FKRP: variants seen among roughly 807,000 people sequenced by gnomAD.
The protein encoded by FKRP is fukutin related protein, also known as ribitol 5-phosphate transferase FKRP.
In FKRP, 25 loss-of-function variants were observed where a neutral mutation model predicts 30.6. The ratio of observed to expected loss-of-function variants is 0.82; its 90% CI spans 0.60 to 1.14. The LOEUF (loss-of-function observed/expected upper bound fraction) is 1.14, where lower values mean the gene tolerates loss of function less well. Among genes scored for constraint, FKRP ranks in the 50% most tolerant of loss-of-function variants. FKRP has a pLI of 0.00. For missense variants in FKRP, 771 were observed against 727.8 expected (o/e 1.06, Z -0.68); for synonymous variants, 358 against 342.5 (o/e 1.05, Z -0.50).
intron 3 of FKRP, among the ~76,000 whole-genome samples, chr19:46,752,844 A>G (rs1229217826): frequency 6.6e-6 from 1 of 152,108 alleles, no homozygotes; most frequent in Non-Finnish European, 1.5e-5. Context: ...AAGCTTGGGC[A>G]GCAGAGCAAG....
At chr19:46,746,279 C>T in intron 1 of FKRP, 189 bp downstream of exon 1, 2 of 1,453,688 alleles carry the variant, frequency 1.4e-6, no homozygotes, top group South Asian at 2.6e-5. Context: ...GGGGCTGCCT[C>T]CGCCGCCGCC....
chr19:46,756,863 C>G lies in FKRP; in HGVS notation c.1413C>G (p.Leu471=), dbSNP rs780545437. The part of the protein sequence containing the change: ...APNNYRRFLE[L]KFGPGVIENP... ...ACAACTACCGCCGCTTCCTGGAGCT[C>G]AAGTTCGGGCCCGGGGTCATCGAGA... The change falls in exon 4 of 4, where the codon CTC becomes CTG. Residue 471 remains leucine, a synonymous_variant. Coordinates refer to ENST00000318584, the MANE Select transcript of FKRP (RefSeq NM_024301.5). This position sits in a 1 kb window ranked among gnomAD's most constrained non-coding sequence, Gnocchi z 6.6. 1 of 1,610,624 alleles carries G rather than the reference C, an allele frequency of 6.2e-7. No individual in the cohort carries two copies. Among genetic ancestry groups the G allele is most frequent in the Non-Finnish European group, 8.5e-7 (1 of 1,178,926 alleles).
At position 46,756,431 on chromosome 19, in the gene FKRP, CTAT is replaced by C. The variant is rs886043458; in HGVS notation, c.982_984del (p.Tyr328del). The C allele has an allele frequency of 1.3e-6, 2 of 1,584,482 alleles. No individual in the cohort carries two copies. Among genetic ancestry groups the C allele is most frequent in the African/African-American group, 1.3e-5 (1 of 74,570 alleles). Reference sequence around the variant, plus strand: ...TGCGCGCGCTGCGCGAGACCGCCCGCTATGTGGTGGGCGTGCTGGAGGCTGCGG... The same window carrying C: ...TGCGCGCGCTGCGCGAGACCGCCCGCGTGGTGGGCGTGCTGGAGGCTGCGG... On this transcript the variant is annotated inframe_deletion, in exon 4 of 4. Coordinates refer to ENST00000318584, the MANE Select transcript of FKRP (RefSeq NM_024301.5). This position sits in a 1 kb window ranked among gnomAD's most constrained non-coding sequence, Gnocchi z 6.6.
At position 46,756,947 on chromosome 19, in the gene FKRP, T is replaced by C; in HGVS notation, c.*9T>C. On this transcript the variant is annotated 3_prime_UTR_variant, in exon 4 of 4. Transcript: ENST00000318584. The surrounding 1 kb of genome is among the most constrained non-coding windows in gnomAD (Gnocchi z 6.6). ...TGACGGGAAGCGGCTGAAGCCCTGA[T>C]AACCTCGCCTTTGTTTTTCGGGGGT... is the stretch of plus-strand genomic sequence containing the variant. 2 of 1,612,584 alleles carry C rather than the reference T, an allele frequency of 1.2e-6. No homozygotes were observed. The highest frequency in any genetic ancestry group is 1.7e-6 in the Non-Finnish European group (2 of 1,179,818).
upstream of FKRP, among the ~76,000 whole-genome samples, chr19:46,745,402 A>C (rs1222195249): frequency 6.6e-6 from 1 of 151,980 alleles, no homozygotes; most frequent in Non-Finnish European, 1.5e-5. Context: ...GGATCCCCAA[A>C]GTTTCTCCTC....
intron 3 of FKRP, among the ~76,000 whole-genome samples, chr19:46,749,655 T>C (rs530272742): frequency 2.0e-5 from 3 of 150,028 alleles, no homozygotes; most frequent in Admixed American, 6.6e-5. Context: ...AACCAGGGAG[T>C]TGGAGGTTGC....
chr19:46,745,072 T>C (rs2054553174), upstream of FKRP, among the ~76,000 whole-genome samples: 2 of 148,312 alleles, frequency 1.3e-5, no homozygotes, highest in African/African-American at 2.5e-5. Context: ...CCTCCTCATG[T>C]TGCCTTCGGG....
chr19:46,756,252 C>G lies in FKRP; in HGVS notation c.802C>G (p.Leu268Val). 1 of 1,475,002 alleles carries G rather than the reference C, an allele frequency of 6.8e-7. No individual in the cohort carries two copies. Among genetic ancestry groups the G allele is most frequent in the Non-Finnish European group, 9.0e-7 (1 of 1,116,178 alleles). The allele number at this position is 1,475,002 out of a possible 1,614,324, so 91.4% of individuals were successfully genotyped here. ...EREGRARRAA[L>V]LRALGIRLVS... Reference sequence around the variant, plus strand: ...CGAGGGACGCGCTCGGCGGGCGGCGCTGCTCCGCGCGCTGGGCATCCGCCT... The same window carrying G: ...CGAGGGACGCGCTCGGCGGGCGGCGGTGCTCCGCGCGCTGGGCATCCGCCT... The change falls in exon 4 of 4, where the codon CTG (leucine) becomes GTG (valine). Residue 268 changes from leucine (L) to valine (V), a missense_variant. Leu to Val is a conservative substitution (Grantham distance 32). Coordinates refer to ENST00000318584, the MANE Select transcript of FKRP (RefSeq NM_024301.5). The surrounding 1 kb of genome is among the most constrained non-coding windows in gnomAD (Gnocchi z 6.6).
rs1015213074 is a variant in FKRP at position 46,755,568 on chromosome 19, C to A, written c.118C>A (p.Arg40Ser). Residue 40 changes from arginine (R) to serine (S), a missense_variant, in exon 4 of 4, where the codon CGT (arginine) becomes AGT (serine). Coordinates refer to ENST00000318584, the MANE Select transcript of FKRP (RefSeq NM_024301.5). ...TAGGAATTCCCGGGCCCGGGGGCCC[C>A]GTCGTGCCTCTGCTGCCGGCCCCCG... ...QPRNSRARGP[R>S]RASAAGPRVT... is the part of the protein sequence containing the mutation. 1 of 1,606,328 alleles carries A rather than the reference C, an allele frequency of 6.2e-7. No homozygotes were observed. Among genetic ancestry groups the A allele is most frequent in the African/African-American group, 1.3e-5 (1 of 74,754 alleles).
In FKRP at chr19:46,758,000, C is replaced by T. The variant is rs543664784; in HGVS notation, c.*1062C>T. 1.1e-4 allele frequency: 19 copies of T among 167,304 alleles called. No individual in the cohort carries two copies. Among genetic ancestry groups the T allele is most frequent in the African/African-American group, 3.6e-4 (15 of 41,600 alleles). 10.4% of individuals were successfully genotyped at this position (167,304 alleles called of 1,614,324 possible). A position where few individuals can be genotyped will look rare whatever the true frequency, so the allele number is the denominator to read the frequency against. On this transcript the variant is annotated 3_prime_UTR_variant, in exon 4 of 4. Transcript: ENST00000318584. Reference sequence around the variant, plus strand: ...TCAGCTGTCTGCACCTAATTCCCCACTTGCACGGCAGTGTAGACAATAACC... The same window carrying T: ...TCAGCTGTCTGCACCTAATTCCCCATTTGCACGGCAGTGTAGACAATAACC...
chr19:46,757,708 G>C lies in FKRP; in HGVS notation c.*770G>C, dbSNP rs1186001565. On this transcript the variant is annotated 3_prime_UTR_variant, in exon 4 of 4. Transcript: ENST00000318584. ...TGCTACTCTTAACTGTTCTATTCAA[G>C]ACTGAATAGAAGTATTTCAGTCTTG... 1.2e-5 allele frequency: 2 copies of C among 167,338 alleles called. No homozygotes were observed. Among genetic ancestry groups the C allele is most frequent in the Non-Finnish European group, 2.9e-5 (2 of 68,348 alleles). 10.4% of individuals were successfully genotyped at this position (167,338 alleles called of 1,614,324 possible). A position where few individuals can be genotyped will look rare whatever the true frequency, so the allele number is the denominator to read the frequency against.
At chr19:46,752,618 T>C (rs1599927470) in intron 3 of FKRP, among the ~76,000 whole-genome samples, 1 of 152,232 alleles carries the variant, frequency 6.6e-6, no homozygotes, top group African/African-American at 2.4e-5. Context: ...CCTGGCACTT[T>C]GGGAGGCCGA....
In FKRP at chr19:46,756,443, CGTGCTGGA is replaced by C; in HGVS notation, c.995_1002del (p.Val332GlyfsTer55). ...GCGAGACCGCCCGCTATGTGGTGGG[CGTGCTGGA>C]GGCTGCGGGCGTGCGCTACTGGCTC... On this transcript the variant is annotated frameshift_variant, in exon 4 of 4. Coordinates refer to ENST00000318584, the MANE Select transcript of FKRP (RefSeq NM_024301.5). LOFTEE classifies it high-confidence loss of function. This position sits in a 1 kb window ranked among gnomAD's most constrained non-coding sequence, Gnocchi z 6.6. The C allele has an allele frequency of 6.3e-7, 1 of 1,581,208 alleles. No individual in the cohort carries two copies. The highest frequency in any genetic ancestry group is 8.6e-7 in the Non-Finnish European group (1 of 1,164,222).
At chr19:46,745,542 C>T (rs908228167), upstream of FKRP, among the ~76,000 whole-genome samples, 2 of 152,076 alleles carry the variant, frequency 1.3e-5, no homozygotes, top group African/African-American at 4.8e-5. Flanking sequence ...AGGTTCCCGA[C>T]TTCCTCTCCC....
In FKRP at chr19:46,746,080, G is replaced by GGCGGCA; in HGVS notation, c.-258_-253dup. ...GCCATTGCTCCAAGATGGCGGCGGC[G>GGCGGCA]GCGGCAGCGGGTGAGGCCGGGCCGG... On this transcript the variant is annotated 5_prime_UTR_variant, in exon 1 of 4. Transcript: ENST00000318584. 7.5e-7 allele frequency: 1 copy of GGCGGCA among 1,327,830 alleles called. No individual in the cohort carries two copies. The highest frequency in any genetic ancestry group is 9.6e-7 in the Non-Finnish European group (1 of 1,041,752). The allele number at this position is 1,327,830 out of a possible 1,614,324, so 82.3% of individuals were successfully genotyped here.
chr19:46,756,494 G>A lies in FKRP; in HGVS notation c.1044G>A (p.Leu348=). Reference sequence around the variant, plus strand: ...ACTGGCTCGAGGGCGGCTCACTGCTGGGGGCCGCCCGCCACGGGGACATCA... The same window carrying A: ...ACTGGCTCGAGGGCGGCTCACTGCTAGGGGCCGCCCGCCACGGGGACATCA... ...VRYWLEGGSL[L]GAARHGDIIP... The change falls in exon 4 of 4, where the codon CTG becomes CTA. Residue 348 remains leucine, a synonymous_variant. Transcript: ENST00000318584. The surrounding 1 kb of genome is among the most constrained non-coding windows in gnomAD (Gnocchi z 6.6). 6.4e-7 allele frequency: 1 copy of A among 1,556,816 alleles called. No individual in the cohort carries two copies. Among genetic ancestry groups the A allele is most frequent in the Non-Finnish European group, 8.7e-7 (1 of 1,152,626 alleles).
chr19:46,755,800 C>T lies in FKRP; in HGVS notation c.350C>T (p.Pro117Leu), dbSNP rs941905630. The T allele has an allele frequency of 6.6e-7, 1 of 1,516,276 alleles. No individual in the cohort carries two copies. Among genetic ancestry groups the T allele is most frequent in the East Asian group, 2.5e-5 (1 of 40,614 alleles). 93.9% of individuals were successfully genotyped at this position (1,516,276 alleles called of 1,614,324 possible). Residue 117 changes from proline (P) to leucine (L), a missense_variant, in exon 4 of 4, where the codon CCG becomes CTG. Coordinates refer to ENST00000318584, the MANE Select transcript of FKRP (RefSeq NM_024301.5). ...GACCGGCCAGCCGCAGCCTCGCGCC[C>T]GGAGACCTACGTGGCCACCGAGTTT... The part of the protein sequence containing the change: ...ALDRPAAASR[P>L]ETYVATEFVA...
upstream of FKRP, chr19:46,745,967 T>G: frequency 1.6e-6 from 1 of 640,760 alleles, no homozygotes; most frequent in Non-Finnish European, 2.2e-6. Context: ...CACCCCGGAG[T>G]GCCCTCAGGA....
Position 46,756,562 on chromosome 19 carries a change from A to T in FKRP, c.1112A>T (p.Asp371Val), listed in dbSNP as rs759140693. 6.2e-7 allele frequency: 1 copy of T among 1,607,814 alleles called. No individual in the cohort carries two copies. The highest frequency in any genetic ancestry group is 8.5e-7 in the Non-Finnish European group (1 of 1,178,008). Residue 371 changes from aspartate to valine, a missense_variant, in exon 4 of 4, where the codon GAC becomes GTC. By Grantham distance (152) the Asp-to-Val change is radical (BLOSUM62 -3). Coordinates refer to ENST00000318584, the MANE Select transcript of FKRP (RefSeq NM_024301.5). The surrounding 1 kb of genome is among the most constrained non-coding windows in gnomAD (Gnocchi z 6.6). Reference protein sequence around the residue: ...YDVDLGIYLEDVGNCEQLRGA... With the variant: ...YDVDLGIYLEVVGNCEQLRGA... ...GTGGACCTGGGCATCTACTTGGAGGACGTGGGCAACTGCGAGCAGCTGCGG... is the reference window on the plus strand; with the variant it reads ...GTGGACCTGGGCATCTACTTGGAGGTCGTGGGCAACTGCGAGCAGCTGCGG...
Sources: gnomAD v4.1 joint callset for allele counts (sites outside exome capture counted in the v4.1 genomes callset) on GRCh38, gnomAD v4.1.1 for gene constraint, Gnocchi (gnomAD v3.1) non-coding constraint, MANE v1.5 for transcripts, NCBI Gene and HGNC (gene_info 2026-07-23, HGNC 2026-07-21) for gene names.